Variants in OR10R2 observed in about 807,000 individuals in gnomAD.
OR10R2 encodes olfactory receptor family 10 subfamily R member 2, also known as olfactory receptor 10R2.
Under a neutral mutation model 2.4 loss-of-function variants are expected in OR10R2, and 1 was observed. That is an observed-to-expected ratio of 0.41 (90% CI 0.15 to 1.95). The LOEUF is 1.95. Ranked by LOEUF, OR10R2 falls within the 30% of genes most tolerant of loss-of-function variation. The pLI is 0.30. For synonymous variants in OR10R2, 166 were observed against 144.8 expected, an observed-to-expected ratio of 1.15 and a Z score of -1.05; for missense variants, 419 against 373.0, an observed-to-expected ratio of 1.12 and a Z score of -1.01.
At chr1:158,473,759 C>CCTTCCTTCCTT (rs11273976) in intron 1 of OR10R2, among the ~76,000 whole-genome samples, 5,121 of 27,386 alleles carry the variant, frequency 0.19, 1,361 homozygotes, top group Middle Eastern at 0.28. Context: ...CTTTCTTTAT[C>CCTTCCTTCCTT]CTTCCTTCCT....
At chr1:158,475,644 A>T (rs926029481) in intron 1 of OR10R2, among the ~76,000 whole-genome samples, 1 of 151,656 alleles carries the variant, frequency 6.6e-6, no homozygotes, top group African/African-American at 2.4e-5. Context: ...CATCTGAAGA[A>T]TATTTTTGGT....
chr1:158,474,270 T>C (rs1656230430), intron 1 of OR10R2, among the ~76,000 whole-genome samples: 1 of 152,158 alleles, frequency 6.6e-6, no homozygotes, highest in African/African-American at 2.4e-5. Flanking sequence ...CCTGTATCTC[T>C]GCTGCCCAAA....
intron 1 of OR10R2, among the ~76,000 whole-genome samples, chr1:158,473,794 C>CCTT (rs1474881029): frequency 2.9e-4 from 12 of 41,328 alleles, no homozygotes; most frequent in African/African-American, 1.2e-3. Flanking sequence ...TTCCCTCTTT[C>CCTT]CCTCTCTGCT....
intron 1 of OR10R2, among the ~76,000 whole-genome samples, chr1:158,474,157 T>C (rs1394212419): frequency 6.6e-6 from 1 of 152,040 alleles, no homozygotes; most frequent in Admixed American, 6.6e-5. Flanking sequence ...ACTTCTGAGT[T>C]GAACTGTTTC....
chr1:158,480,089 T>C (rs1362412433), exon 2 of OR10R2: 3 of 1,613,834 alleles, frequency 1.9e-6, no homozygotes, highest in East Asian at 2.2e-5. Flanking sequence ...GTCATCCACC[T>C]GGATAAAAGC....
chr1:158,479,320 T>C (rs574163297), intron 1 of OR10R2, among the ~76,000 whole-genome samples: 14 of 152,296 alleles, frequency 9.2e-5, no homozygotes, highest in Non-Finnish European at 1.6e-4. Flanking sequence ...TTGGTCAGAA[T>C]TGCTCTTTAT....
At chr1:158,475,697 C>T (rs1278328939) in intron 1 of OR10R2, among the ~76,000 whole-genome samples, 5 of 151,424 alleles carry the variant, frequency 3.3e-5, no homozygotes, top group African/African-American at 1.2e-4. Context: ...TCTAATTGTG[C>T]CTTTCTGTAA....
intron 1 of OR10R2, among the ~76,000 whole-genome samples, chr1:158,475,361 C>A (rs951911422): frequency 6.6e-6 from 1 of 151,958 alleles, no homozygotes; most frequent in African/African-American, 2.4e-5. Context: ...TGCTAAATTT[C>A]TTGGCATAAA....
At chr1:158,474,307 T>G (rs1656230990) in intron 1 of OR10R2, 1 of 152,152 alleles carries the variant, frequency 6.6e-6, no homozygotes, top group Non-Finnish European at 1.5e-5. Flanking sequence ...TCTCCTCCAA[T>G]TGCCCTTCCC....
chr1:158,473,765 T>TCCC (rs1553208623), intron 1 of OR10R2, among the ~76,000 whole-genome samples: 7 of 72,862 alleles, frequency 9.6e-5, no homozygotes, highest in African/African-American at 4.0e-4. Flanking sequence ...TTATCCTTCC[T>TCCC]TCCTTCCTTC....
At chr1:158,480,836 C>A (rs1188999760) in exon 2 of OR10R2, 1 of 1,594,684 alleles carries the variant, frequency 6.3e-7, no homozygotes, top group Non-Finnish European at 8.5e-7. Context: ...GTCCAACTTG[C>A]TATCAGAAAA....
chr1:158,476,071 CATT>C (rs1015087102), intron 1 of OR10R2, among the ~76,000 whole-genome samples: 16 of 151,962 alleles, frequency 1.1e-4, no homozygotes. Flanking sequence ...ATATAGCTGA[CATT>C]ATTTTCTAGA....
chr1:158,474,667 T>C (rs1350023653), intron 1 of OR10R2: 1 of 152,176 alleles, frequency 6.6e-6, no homozygotes, highest in East Asian at 1.9e-4. Flanking sequence ...TGTAGTTCTA[T>C]CTGCAAGAAA....
intron 1 of OR10R2, among the ~76,000 whole-genome samples, chr1:158,476,033 C>T (rs1048745780): frequency 2.0e-5 from 3 of 151,974 alleles, no homozygotes; most frequent in Admixed American, 2.0e-4. Context: ...CTGATAACTG[C>T]TTTAAATTTA....
At chr1:158,479,396 C>T (rs1245066346) in intron 1 of OR10R2, among the ~76,000 whole-genome samples, 1 of 152,116 alleles carries the variant, frequency 6.6e-6, no homozygotes, top group Non-Finnish European at 1.5e-5. Context: ...TATAATTTAA[C>T]CCAGCAATGT....
intron 1 of OR10R2, among the ~76,000 whole-genome samples, chr1:158,475,986 T>C (rs1040613307): frequency 1.3e-5 from 2 of 152,116 alleles, no homozygotes; most frequent in African/African-American, 4.8e-5. Flanking sequence ...ATCATTAAAT[T>C]TTTGTTTAGG....
chr1:158,477,322 G>T (rs1415285014), intron 1 of OR10R2, among the ~76,000 whole-genome samples: 2 of 152,080 alleles, frequency 1.3e-5, no homozygotes, highest in Admixed American at 1.3e-4. Flanking sequence ...GCAAGAGAAA[G>T]AAATTAAAGG....
At chr1:158,475,373 A>G (rs1656251179) in intron 1 of OR10R2, among the ~76,000 whole-genome samples, 3 of 152,112 alleles carry the variant, frequency 2.0e-5, no homozygotes, top group Admixed American at 2.0e-4. Flanking sequence ...TGGCATAAAC[A>G]AAACCAAATT....
chr1:158,472,374 T>C (rs1656182227), intron 1 of OR10R2, 22 bp downstream of exon 1: 2 of 399,066 alleles, frequency 5.0e-6, no homozygotes, highest in East Asian at 3.6e-5. Context: ...GTTGCTGTCT[T>C]GAAAAATTTT....
Sources: gnomAD v4.1 joint callset for allele counts (sites outside exome capture counted in the v4.1 genomes callset) on GRCh38, gnomAD v4.1.1 for gene constraint, MANE v1.5 for transcripts, NCBI Gene and HGNC (gene_info 2026-07-23, HGNC 2026-07-21) for gene names.